The following SHROOM3 variants were observed in gnomAD, a reference collection of about 807,000 sequenced individuals.
SHROOM3 encodes the protein shroom family member 3.
Under a neutral mutation model 138.6 loss-of-function variants are expected in SHROOM3, and 47 were observed. That is an observed-to-expected ratio of 0.34 (90% CI 0.27 to 0.43). The LOEUF (loss-of-function observed/expected upper bound fraction) is 0.43. Ranked by LOEUF, SHROOM3 falls within the 20% of genes least tolerant of loss-of-function variation. The pLI is 1.00. For missense variants in SHROOM3, 2,491 were observed against 2,596.5 expected, an observed-to-expected ratio of 0.96 and a Z score of 0.88; for synonymous variants, 1,062 against 1,063.3, an observed-to-expected ratio of 1.00 and a Z score of 0.02.
chr4:76,673,922 G>C (rs2110099371), intron 2 of SHROOM3, among the ~76,000 whole-genome samples: 1 of 152,258 alleles, frequency 6.6e-6, no homozygotes, highest in South Asian at 2.1e-4. Context: ...GCCTAAGCTA[G>C]ACTGCAGTGG....
rs1736036872 is a variant in SHROOM3 at position 76,655,029 on chromosome 4, A to C, written c.324-55127A>C. On this transcript the variant is annotated intron_variant, in intron 2 of 10. Transcript: ENST00000296043. Reference sequence around the variant, plus strand: ...AAAATGAATCATTCAGAAAGTAGTCAGCTTGGTTACTGCTGGCCTTTATGC... The same window carrying C: ...AAAATGAATCATTCAGAAAGTAGTCCGCTTGGTTACTGCTGGCCTTTATGC... Among the ~76,000 whole-genome samples, 5 of 152,196 alleles carry C rather than the reference A, an allele frequency of 3.3e-5. No individual in the cohort carries two copies. The South Asian group carries it at 8.3e-4, about 25-fold the overall frequency.
rs369416814 is a variant in SHROOM3 at position 76,755,144 on chromosome 4, T to C, written c.4661T>C (p.Val1554Ala). The change falls in exon 7 of 11, where the codon GTA (valine) becomes GCA (alanine). Residue 1554 changes from valine (V) to alanine (A), a missense_variant. Physicochemically the swap from Val to Ala is moderately conservative, Grantham distance 64. Coordinates refer to ENST00000296043, the MANE Select transcript of SHROOM3 (RefSeq NM_020859.4). ...DDFPPPPPHTVCEAQLDSEDP... is the reference protein window; with the variant it reads ...DDFPPPPPHTACEAQLDSEDP... ...TTCCCTCCACCTCCTCCCCACACTG[T>C]ATGTGAGGCGCAGCTGGACAGTGAG... is the stretch of plus-strand genomic sequence containing the variant. 3.7e-6 allele frequency: 6 copies of C among 1,611,172 alleles called. No individual in the cohort carries two copies. Among genetic ancestry groups the C allele is most frequent in the Non-Finnish European group, 3.4e-6 (4 of 1,179,330 alleles).
chr4:76,540,306 T>G (rs1176558803), intron 1 of SHROOM3, among the ~76,000 whole-genome samples: 1 of 152,178 alleles, frequency 6.6e-6, no homozygotes, highest in Admixed American at 6.5e-5. Context: ...TGAGAATTCT[T>G]TTGCTGAGAC....
intron 1 of SHROOM3, among the ~76,000 whole-genome samples, chr4:76,466,038 T>G (rs1294995066): frequency 1.3e-5 from 2 of 152,210 alleles, no homozygotes; most frequent in Non-Finnish European, 2.9e-5. Context: ...TTTACGTGTT[T>G]GTTGGTCTCT....
intron 2 of SHROOM3, among the ~76,000 whole-genome samples, chr4:76,697,211 G>A (rs1719766328): frequency 6.6e-6 from 1 of 151,068 alleles, no homozygotes; most frequent in Admixed American, 6.6e-5. Flanking sequence ...TAAGGTGTCA[G>A]CCACTGTACT....
chr4:76,759,616 C>G lies in SHROOM3; in HGVS notation c.5270C>G (p.Ala1757Gly). ...PAYYSVSAPK[A>G]ELLNKIKEMP... ...TACTACAGTGTGTCTGCTCCCAAGG[C>G]TGAGCTACTGAACAAAATCAAAGAG... Residue 1757 changes from alanine to glycine, a missense_variant, in exon 9 of 11, where the codon GCT (alanine) becomes GGT (glycine). Around this residue, in one of 4 missense-constraint regions of SHROOM3, gnomAD observed 470 missense variants for 595.0 expected, o/e 0.79. Coordinates refer to ENST00000296043, the MANE Select transcript of SHROOM3 (RefSeq NM_020859.4). 4 of 1,614,134 alleles carry G rather than the reference C, an allele frequency of 2.5e-6. No homozygotes were observed. The highest frequency in any genetic ancestry group is 3.4e-6 in the Non-Finnish European group (4 of 1,180,036).
intron 2 of SHROOM3, among the ~76,000 whole-genome samples, chr4:76,634,618 T>G (rs552722533): frequency 6.6e-6 from 1 of 152,342 alleles, no homozygotes; most frequent in South Asian, 2.1e-4. Flanking sequence ...GTTTATAATT[T>G]ATCAAACTCT....
intron 2 of SHROOM3, among the ~76,000 whole-genome samples, chr4:76,697,523 C>T (rs1251284824): frequency 6.6e-6 from 1 of 152,058 alleles, no homozygotes; most frequent in Non-Finnish European, 1.5e-5. Flanking sequence ...TTAAGTGATG[C>T]GATTGTGGGA....
intron 1 of SHROOM3, among the ~76,000 whole-genome samples, chr4:76,506,580 T>G (rs768454187): frequency 1.3e-5 from 2 of 152,006 alleles, no homozygotes; most frequent in Non-Finnish European, 2.9e-5. Context: ...GTTATCTGTG[T>G]TTAGTATCAA....
At chr4:76,777,697 A>G (rs1430444818) in intron 10 of SHROOM3, among the ~76,000 whole-genome samples, 2 of 152,186 alleles carry the variant, frequency 1.3e-5, no homozygotes, top group Middle Eastern at 3.2e-3. Flanking sequence ...AATGCTTTCA[A>G]CTTTTCCTTG....
chr4:76,777,724 C>T (rs980302193), intron 10 of SHROOM3, among the ~76,000 whole-genome samples: 2 of 152,116 alleles, frequency 1.3e-5, no homozygotes, highest in African/African-American at 2.4e-5. Context: ...ATAATGTTGG[C>T]TGTGGGTTTG....
At chr4:76,479,071 T>G (rs1731548372) in intron 1 of SHROOM3, among the ~76,000 whole-genome samples, 1 of 152,036 alleles carries the variant, frequency 6.6e-6, no homozygotes, top group Admixed American at 6.6e-5. Context: ...GAACGCCTCT[T>G]CTTCTCCAAA....
At chr4:76,537,548 T>C (rs1733005416) in intron 1 of SHROOM3, among the ~76,000 whole-genome samples, 1 of 152,146 alleles carries the variant, frequency 6.6e-6, no homozygotes, top group South Asian at 2.1e-4. Context: ...CCAGTTAGGA[T>C]CCCACTAAAT....
chr4:76,588,214 C>T (rs1734190309), intron 2 of SHROOM3, among the ~76,000 whole-genome samples: 2 of 152,172 alleles, frequency 1.3e-5, no homozygotes, highest in Non-Finnish European at 2.9e-5. Flanking sequence ...TGCAGAGTAC[C>T]AGGGCACTCC....
chr4:76,782,035 A>C lies in SHROOM3; in HGVS notation c.*2858A>C, dbSNP rs1722747261. 1 of 152,214 alleles carries C rather than the reference A, an allele frequency of 6.6e-6. No individual in the cohort carries two copies. The highest frequency in any genetic ancestry group is 6.5e-5 in the Admixed American group (1 of 15,278). 9.4% of individuals were successfully genotyped at this position (152,214 alleles called of 1,614,324 possible). A position where few individuals can be genotyped will look rare whatever the true frequency, so the allele number is the denominator to read the frequency against. On this transcript the variant is annotated 3_prime_UTR_variant, in exon 11 of 11. Coordinates refer to ENST00000296043, the MANE Select transcript of SHROOM3 (RefSeq NM_020859.4). ...ACCCGCAAGGTTCCAGGAAAGGACA[A>C]TGTCCTGCGAGAAAATCAGGAGGCC...
intron 4 of SHROOM3, among the ~76,000 whole-genome samples, chr4:76,733,057 C>T (rs532848062): frequency 5.3e-5 from 8 of 152,264 alleles, no homozygotes; most frequent in African/African-American, 1.9e-4. Context: ...ACAGAGTGCC[C>T]TTCAACAGTG....
intron 1 of SHROOM3, among the ~76,000 whole-genome samples, chr4:76,500,568 A>T (rs774708042): frequency 2.0e-5 from 3 of 151,706 alleles, no homozygotes; most frequent in Non-Finnish European, 2.9e-5. Flanking sequence ...TTTTTTTCCT[A>T]CTAGCAGTGT....
At chr4:76,654,570 A>G (rs1378507300) in intron 2 of SHROOM3, among the ~76,000 whole-genome samples, 2 of 152,160 alleles carry the variant, frequency 1.3e-5, no homozygotes, top group Non-Finnish European at 2.9e-5. Flanking sequence ...TTAAAGGAGC[A>G]CAAGAGTGAA....
intron 2 of SHROOM3, among the ~76,000 whole-genome samples, chr4:76,570,598 T>A (rs1733816250): frequency 6.6e-6 from 1 of 152,230 alleles, no homozygotes; most frequent in Admixed American, 6.5e-5. Flanking sequence ...GTTCAGGAAT[T>A]TAAGACTCAC....
Sources: allele counts gnomAD v4.1 joint callset (sites outside exome capture counted in the v4.1 genomes callset), GRCh38; gene constraint gnomAD v4.1.1; regional missense constraint gnomAD v4.1.1; transcripts MANE v1.5; gene names NCBI Gene and HGNC (gene_info 2026-07-23, HGNC 2026-07-21).